MAML2: variants seen among roughly 807,000 people sequenced by gnomAD.
MAML2 encodes the protein mastermind-like protein 2.
Under a neutral mutation model 96.1 loss-of-function variants are expected in MAML2, and 22 were observed. The observed-to-expected ratio is 0.23, with a 90% CI of 0.16 to 0.33. MAML2 has a LOEUF of 0.33. MAML2 is among the 10% of genes least tolerant of loss of function. The pLI is 1.00. For synonymous variants in MAML2, 561 were observed against 521.3 expected, an observed-to-expected ratio of 1.08 and a Z score of -1.04; for missense variants, 1,367 against 1,392.4, an observed-to-expected ratio of 0.98 and a Z score of 0.29.
intron 1 of MAML2, among the ~76,000 whole-genome samples, chr11:96,222,727 A>G (rs954375625): frequency 6.6e-6 from 1 of 152,174 alleles, no homozygotes; most frequent in African/African-American, 2.4e-5. Flanking sequence ...GTAATATTAA[A>G]CAATTCCTAT....
chr11:96,241,644 C>T (rs963187264), intron 1 of MAML2, among the ~76,000 whole-genome samples: 1 of 152,188 alleles, frequency 6.6e-6, no homozygotes, highest in Non-Finnish European at 1.5e-5. Flanking sequence ...ACAGGTATTG[C>T]CTGTGAACAT....
intron 1 of MAML2, among the ~76,000 whole-genome samples, chr11:96,207,651 C>T (rs533345694): frequency 4.3e-4 from 65 of 152,320 alleles, no homozygotes; most frequent in African/African-American, 1.5e-3. Flanking sequence ...TCCACTTTAC[C>T]GTATGGAGTA....
intron 1 of MAML2, among the ~76,000 whole-genome samples, chr11:96,106,266 C>T (rs965817352): frequency 3.0e-4 from 45 of 152,274 alleles, no homozygotes; most frequent in African/African-American, 1.1e-3. Flanking sequence ...ACCACCTCAC[C>T]TATATTGAAA....
intron 2 of MAML2, among the ~76,000 whole-genome samples, chr11:96,017,203 C>T (rs1351895457): frequency 6.6e-6 from 1 of 152,162 alleles, no homozygotes; most frequent in Non-Finnish European, 1.5e-5. Context: ...GACAAGTTAG[C>T]TAAATTGCAC....
At chr11:96,335,011 AGTC>A (rs1565287323) in intron 1 of MAML2, among the ~76,000 whole-genome samples, 24 of 152,164 alleles carry the variant, frequency 1.6e-4, no homozygotes, top group African/African-American at 5.8e-4. Context: ...GGTTGAAGCT[AGTC>A]AATAGCCCAT....
At chr11:96,284,978 A>T (rs115188582) in intron 1 of MAML2, among the ~76,000 whole-genome samples, 460 of 152,290 alleles carry the variant, frequency 3.0e-3, no homozygotes, top group African/African-American at 0.01. Context: ...GGCTGGATGG[A>T]GTTGTGCAGT....
chr11:96,322,675 C>T (rs1440736794), intron 1 of MAML2, among the ~76,000 whole-genome samples: 1 of 152,000 alleles, frequency 6.6e-6, no homozygotes, highest in Non-Finnish European at 1.5e-5. Flanking sequence ...CTGGGGGCCA[C>T]GGAGCGAGAC....
Position 96,342,428 on chromosome 11 carries a change from C to T in MAML2, c.-533G>A. The T allele has an allele frequency of 2.5e-6, 1 of 398,776 alleles. No individual in the cohort carries two copies. The highest frequency in any genetic ancestry group is 4.4e-6 in the Non-Finnish European group (1 of 226,190). 24.7% of individuals were successfully genotyped at this position (398,776 alleles called of 1,614,324 possible). A position where few individuals can be genotyped will look rare whatever the true frequency, so the allele number is the denominator to read the frequency against. On this transcript the variant is annotated 5_prime_UTR_variant, in exon 1 of 5. Transcript: ENST00000524717. ...CTACCATGTCTATGTAACCAGCAGC[C>T]TTGACTTTTCCTCAGGTTAAATAAA...
intron 1 of MAML2, among the ~76,000 whole-genome samples, chr11:96,248,838 T>C (rs1002905520): frequency 5.9e-5 from 9 of 152,192 alleles, no homozygotes; most frequent in Non-Finnish European, 1.2e-4. Context: ...TCCTACAAAA[T>C]GGCTCCTGTT....
chr11:96,282,002 C>T (rs1327548254), intron 1 of MAML2, among the ~76,000 whole-genome samples: 1 of 152,090 alleles, frequency 6.6e-6, no homozygotes, highest in Non-Finnish European at 1.5e-5. Context: ...GTAATCCCAG[C>T]ACTTTGGGAG....
chr11:96,290,133 G>A (rs752530843), intron 1 of MAML2, among the ~76,000 whole-genome samples: 1 of 152,114 alleles, frequency 6.6e-6, no homozygotes, highest in Admixed American at 6.5e-5. Context: ...AAATCATGTG[G>A]AAATGTTGGT....
At chr11:96,299,524 C>G (rs192956085) in intron 1 of MAML2, among the ~76,000 whole-genome samples, 70 of 152,222 alleles carry the variant, frequency 4.6e-4, no homozygotes, top group Middle Eastern at 6.8e-3. Context: ...GGGTTTTTCT[C>G]TAGCTGTGTG....
intron 1 of MAML2, among the ~76,000 whole-genome samples, chr11:96,294,039 C>G (rs1368927653): frequency 9.2e-5 from 14 of 152,070 alleles, no homozygotes; most frequent in Non-Finnish European, 1.8e-4. Context: ...TGGAGAGAGG[C>G]CAATGAATTT....
At chr11:96,291,346 A>C (rs1251754893) in intron 1 of MAML2, among the ~76,000 whole-genome samples, 1 of 151,946 alleles carries the variant, frequency 6.6e-6, no homozygotes, top group Non-Finnish European at 1.5e-5. Context: ...GGCTAGTCTC[A>C]AACCCCTGAC....
chr11:96,289,948 A>G (rs1400656059), intron 1 of MAML2, among the ~76,000 whole-genome samples: 1 of 152,192 alleles, frequency 6.6e-6, no homozygotes, highest in East Asian at 1.9e-4. Context: ...AATCATTACA[A>G]TCAGGGAAAA....
chr11:96,053,624 G>T (rs989639436), intron 2 of MAML2, among the ~76,000 whole-genome samples: 1 of 125,042 alleles, frequency 8.0e-6, no homozygotes, highest in African/African-American at 4.0e-5. Flanking sequence ...TTAATGGGAT[G>T]GGGGGGTGAC....
chr11:95,979,727 G>T lies in MAML2; in HGVS notation c.2692C>A (p.Gln898Lys). 3.1e-6 allele frequency: 5 copies of T among 1,613,960 alleles called. No homozygotes were observed. The highest frequency in any genetic ancestry group is 4.2e-6 in the Non-Finnish European group (5 of 1,179,870). Residue 898 changes from glutamine to lysine, a missense_variant, in exon 5 of 5, where the codon CAA becomes AAA. By Grantham distance (53) the Gln-to-Lys change is moderately conservative. Coordinates refer to ENST00000524717, the MANE Select transcript of MAML2 (RefSeq NM_032427.4). ...GGGTTGTTTTGATTTGCTAACAATT[G>T]CTTTGGGTTTCTCTGTTGGGTCAAT... ...NQLTQQRNPK[Q>K]LLANQNNPMM...
intron 1 of MAML2, among the ~76,000 whole-genome samples, chr11:96,148,659 TACACACACACACACACACACACAC>T (rs58470055): frequency 2.3e-5 from 3 of 131,870 alleles, no homozygotes; most frequent in Non-Finnish European, 4.8e-5. Flanking sequence ...TTCTGAAAAA[TACACACACACACACACACACACAC>T]ACACACACAC....
In MAML2 at chr11:96,128,388, G is replaced by T. The variant is rs367849605; in HGVS notation, c.514-34871C>A. ...TAGCCTGGGCAACAGACAGTGGGAG[G>T]CTCAGTCTCGGGAAAAAAAAATACT... On this transcript the variant is annotated intron_variant, in intron 1 of 4. Coordinates refer to ENST00000524717, the MANE Select transcript of MAML2 (RefSeq NM_032427.4). 1.2e-4 allele frequency among the ~76,000 whole-genome samples: 19 copies of T among 152,090 alleles called. No individual in the cohort carries two copies. The South Asian group carries it at 4.0e-3, about 32-fold the overall frequency.
Sources: gnomAD v4.1 joint callset for allele counts (sites outside exome capture counted in the v4.1 genomes callset) on GRCh38, gnomAD v4.1.1 for gene constraint, MANE v1.5 for transcripts, NCBI Gene and HGNC (gene_info 2026-07-23, HGNC 2026-07-21) for gene names.